DHX35: variants seen among roughly 807,000 people sequenced by gnomAD.
DHX35 encodes the protein probable ATP-dependent RNA helicase DHX35.
A neutral mutation model predicts 99.6 loss-of-function variants in DHX35; 84 were observed. That is an observed-to-expected ratio of 0.84 (90% CI 0.71 to 1.01). The LOEUF (loss-of-function observed/expected upper bound fraction) is 1.01. DHX35 is among the 50% of genes least tolerant of loss of function. The probability of loss-of-function intolerance (pLI) is 0.00; values close to 1 mark genes in which losing one functional copy is unlikely to be tolerated. For synonymous variants in DHX35, 331 were observed against 316.2 expected, an observed-to-expected ratio of 1.05 and a Z score of -0.50; for missense variants, 852 against 888.5, an observed-to-expected ratio of 0.96 and a Z score of 0.52.
chr20:39,035,379 T>A (rs546336804), intron 21 of DHX35, among the ~76,000 whole-genome samples: 4 of 152,342 alleles, frequency 2.6e-5, no homozygotes, highest in East Asian at 1.9e-4. Context: ...GCTCCTTTTT[T>A]AAAAGGGTTA....
intron 20 of DHX35, among the ~76,000 whole-genome samples, chr20:39,033,264 A>C (rs1191512987): frequency 6.6e-6 from 1 of 152,046 alleles, no homozygotes; most frequent in Non-Finnish European, 1.5e-5. Context: ...AAATCAAGAG[A>C]GATGCAAAAC....
intron 20 of DHX35, 100 bp from the exon 21 acceptor site, chr20:39,034,106 T>C: frequency 7.2e-6 from 6 of 832,382 alleles, no homozygotes; most frequent in Non-Finnish European, 1.2e-5. Flanking sequence ...GCACATAGAG[T>C]AGAACCTGTT....
chr20:39,010,350 C>T lies in DHX35; in HGVS notation c.1293C>T (p.Ile431=). The change falls in exon 13 of 22, where the codon ATC becomes ATT. Residue 431 remains isoleucine, a synonymous_variant. Transcript: ENST00000252011. ...AGCGTAGTAATTTGGCACCTGTCAT[C>T]CTGCAGCTGAAAGCACTAGGAATTG... ...EMQRSNLAPV[I]LQLKALGIDN... is the part of the protein sequence containing the mutation. 1 of 1,614,158 alleles carries T rather than the reference C, an allele frequency of 6.2e-7. No homozygotes were observed. Among genetic ancestry groups the T allele is most frequent in the Non-Finnish European group, 8.5e-7 (1 of 1,180,016 alleles).
chr20:39,007,854 G>A (rs929590434), intron 12 of DHX35, among the ~76,000 whole-genome samples: 1 of 152,250 alleles, frequency 6.6e-6, no homozygotes, highest in Non-Finnish European at 1.5e-5. Context: ...ATTCTGACAT[G>A]CAGAGAAGGT....
intron 3 of DHX35, chr20:38,978,527 T>C: frequency 5.8e-6 from 2 of 345,386 alleles, no homozygotes; most frequent in East Asian, 1.1e-4. Context: ...TTTGCTCATT[T>C]TAAATTGGAT....
Position 39,001,518 on chromosome 20 carries a change from A to G in DHX35, c.643-212A>G, listed in dbSNP as rs533419769. ...TTATTATTTTTATTAAAACTTTAGT[A>G]AAGACACTGTCATTGAAATGTGATT... On this transcript the variant is annotated intron_variant, in intron 8 of 21. Coordinates refer to ENST00000252011, the MANE Select transcript of DHX35 (RefSeq NM_021931.4). Among the ~76,000 whole-genome samples, 5 of 152,354 alleles carry G rather than the reference A, an allele frequency of 3.3e-5. No individual in the cohort carries two copies. The South Asian group carries it at 6.2e-4, about 19-fold the overall frequency.
intron 15 of DHX35, among the ~76,000 whole-genome samples, chr20:39,019,920 C>A (rs2086846695): frequency 1.3e-5 from 2 of 152,174 alleles, no homozygotes; most frequent in Non-Finnish European, 2.9e-5. Context: ...CTGGTAACCA[C>A]CTTTCTACTC....
chr20:39,006,417 G>A (rs976143124), intron 12 of DHX35, 61 bp downstream of exon 12: 89 of 1,569,608 alleles, frequency 5.7e-5, no homozygotes, highest in Non-Finnish European at 7.7e-5. Context: ...GCAACAGAGT[G>A]TAGCAAATGT....
intron 4 of DHX35, among the ~76,000 whole-genome samples, chr20:38,987,751 C>T (rs1324213287): frequency 6.6e-6 from 1 of 151,974 alleles, no homozygotes; most frequent in Non-Finnish European, 1.5e-5. Flanking sequence ...AGTTTATGGT[C>T]TTCATAATGT....
At chr20:38,984,111 C>T (rs1173493516) in intron 4 of DHX35, among the ~76,000 whole-genome samples, 1 of 151,958 alleles carries the variant, frequency 6.6e-6, no homozygotes, top group Non-Finnish European at 1.5e-5. Context: ...GGGGTTTCAC[C>T]ATGTTGGCCA....
At chr20:39,021,143 G>A (rs1052783213) in intron 15 of DHX35, among the ~76,000 whole-genome samples, 2 of 152,150 alleles carry the variant, frequency 1.3e-5, no homozygotes, top group African/African-American at 4.8e-5. Context: ...GTTGTGCCTT[G>A]GGCTTCCCAG....
chr20:39,023,911 C>G, intron 17 of DHX35, 144 bp downstream of exon 17: 1 of 670,974 alleles, frequency 1.5e-6, no homozygotes, highest in South Asian at 2.0e-5. Context: ...GCCAGTACTT[C>G]TAACTGGTGG....
chr20:38,982,579 A>G (rs1459545218), intron 3 of DHX35, among the ~76,000 whole-genome samples: 4 of 152,206 alleles, frequency 2.6e-5, no homozygotes, highest in Non-Finnish European at 4.4e-5. Flanking sequence ...GAGCTACACA[A>G]AAAGATCTAT....
chr20:38,999,438 C>G (rs954729995), intron 8 of DHX35, among the ~76,000 whole-genome samples: 1 of 152,114 alleles, frequency 6.6e-6, no homozygotes, highest in Non-Finnish European at 1.5e-5. Flanking sequence ...TGCTTGCACA[C>G]CAGCCTTAGC....
intron 1 of DHX35, among the ~76,000 whole-genome samples, chr20:38,966,310 G>T (rs538251632): frequency 6.6e-6 from 1 of 152,346 alleles, no homozygotes; most frequent in Non-Finnish European, 1.5e-5. Flanking sequence ...TGATGTTCTG[G>T]TTTGGTTGAA....
At chr20:38,994,631 AC>A (rs35259351) in intron 7 of DHX35, among the ~76,000 whole-genome samples, 189 bp from the exon 8 acceptor site, 19,112 of 74,288 alleles carry the variant, frequency 0.26, 1,954 homozygotes, top group East Asian at 0.37. Context: ...TAGTGTAATG[AC>A]CCCCCCCCCC....
At chr20:39,006,122 T>G in intron 11 of DHX35, 24 bp from the exon 12 acceptor site, 1 of 1,601,294 alleles carries the variant, frequency 6.2e-7, no homozygotes, top group Non-Finnish European at 8.5e-7. Flanking sequence ...ATGAGTTTTA[T>G]TCTTCTTTCT....
chr20:39,023,416 T>G (rs1469656203), intron 16 of DHX35, among the ~76,000 whole-genome samples: 1 of 152,200 alleles, frequency 6.6e-6, no homozygotes, highest in Non-Finnish European at 1.5e-5. Context: ...TTGCCTTGGT[T>G]GGAGCGCAGT....
rs548169042 is a variant in DHX35, at chr20:39,004,496, G to A, written c.1011+589G>A. ...GACACATGCTTACTTTGGCTTAAGG[G>A]ATTGTTTAGGGGGATTGAGGTCAGT... is the stretch of plus-strand genomic sequence containing the variant. On this transcript the variant is annotated intron_variant, in intron 11 of 21. Coordinates refer to ENST00000252011, the MANE Select transcript of DHX35 (RefSeq NM_021931.4). Among the ~76,000 whole-genome samples, 46 of 152,300 alleles carry A rather than the reference G, an allele frequency of 3.0e-4. 2 individuals carry two copies. In the South Asian group the frequency reaches 9.3e-3, roughly 31 times the overall value.
Sources: allele counts gnomAD v4.1 joint callset (sites outside exome capture counted in the v4.1 genomes callset), GRCh38; gene constraint gnomAD v4.1.1; transcripts MANE v1.5; gene names NCBI Gene and HGNC (gene_info 2026-07-23, HGNC 2026-07-21).